ZNF366: variants seen among roughly 807,000 people sequenced by gnomAD.
ZNF366 encodes the protein dendritic cell-specific transcript protein.
Under a neutral mutation model 47.2 loss-of-function variants are expected in ZNF366, and 20 were observed. That is an observed-to-expected ratio of 0.42 (90% CI 0.30 to 0.62). The LOEUF (loss-of-function observed/expected upper bound fraction) is 0.62, where lower values mean the gene tolerates loss of function less well. Ranked by LOEUF, ZNF366 falls within the 20% of genes least tolerant of loss-of-function variation. ZNF366 has a pLI of 0.16. For missense variants in ZNF366, 987 were observed against 976.3 expected, an observed-to-expected ratio of 1.01 and a Z score of -0.15; for synonymous variants, 421 against 395.1, an observed-to-expected ratio of 1.07 and a Z score of -0.78.
chr5:72,463,598 G>C (rs1275779419), intron 1 of ZNF366, among the ~76,000 whole-genome samples: 1 of 152,084 alleles, frequency 6.6e-6, no homozygotes, highest in Admixed American at 6.5e-5. Flanking sequence ...CTGCCTCAGG[G>C]GCCAGGCAAT....
chr5:72,446,046 T>A (rs1742951683), intron 4 of ZNF366, among the ~76,000 whole-genome samples: 1 of 152,194 alleles, frequency 6.6e-6, no homozygotes, highest in African/African-American at 2.4e-5. Context: ...GCTTGTCCAC[T>A]CCACCATCTC....
chr5:72,457,365 A>G (rs1385808687), intron 2 of ZNF366, among the ~76,000 whole-genome samples: 1 of 152,166 alleles, frequency 6.6e-6, no homozygotes, highest in Non-Finnish European at 1.5e-5. Flanking sequence ...ACTAATCCTG[A>G]CTATCCATTG....
chr5:72,441,882 A>T lies in ZNF366; in HGVS notation c.*1874T>A, dbSNP rs77700592. On this transcript the variant is annotated 3_prime_UTR_variant, in exon 5 of 5. Transcript: ENST00000318442. ...GTACCAGAGGGTTATTGCTATGGGC[A>T]GTCACACGTACACGACACCCAGTCA... 6 of 152,394 alleles carry T rather than the reference A, an allele frequency of 3.9e-5. No individual in the cohort carries two copies. The East Asian group carries it at 1.2e-3, about 29-fold the overall frequency. The allele number at this position is 152,394 out of a possible 1,614,324, so 9.4% of individuals were successfully genotyped here.
In ZNF366 at chr5:72,444,103, G is replaced by A; in HGVS notation, c.1888C>T (p.Pro630Ser). Residue 630 changes from proline (P) to serine (S), a missense_variant, in exon 5 of 5, where the codon CCC becomes TCC. By Grantham distance (74) the Pro-to-Ser change is moderately conservative. Around this residue, in one of 3 missense-constraint regions of ZNF366, gnomAD observed 285 missense variants for 234.8 expected, o/e 1.21. Transcript: ENST00000318442. ...EEEDNCYEVE[P>S]YSPGLAPQSQ... Reference sequence around the variant, plus strand: ...TGGGGGGCCAGGCCAGGGCTGTAGGGCTCCACCTCGTAGCAGTTATCCTCC... The same window carrying A: ...TGGGGGGCCAGGCCAGGGCTGTAGGACTCCACCTCGTAGCAGTTATCCTCC... 1.2e-6 allele frequency: 2 copies of A among 1,614,054 alleles called. No homozygotes were observed. Among genetic ancestry groups the A allele is most frequent in the South Asian group, 2.2e-5 (2 of 91,084 alleles).
chr5:72,488,330 T>G (rs1031375693), intron 1 of ZNF366, among the ~76,000 whole-genome samples: 9 of 152,220 alleles, frequency 5.9e-5, no homozygotes, highest in African/African-American at 2.2e-4. Flanking sequence ...GTTATTTTAT[T>G]GCTCCTTTGA....
intron 1 of ZNF366, among the ~76,000 whole-genome samples, chr5:72,492,101 T>C (rs987075586): frequency 2.6e-5 from 4 of 152,216 alleles, no homozygotes; most frequent in Non-Finnish European, 4.4e-5. Context: ...AGGAAGTGTG[T>C]TGGAGACCTG....
At chr5:72,489,151 G>A (rs987672912) in intron 1 of ZNF366, among the ~76,000 whole-genome samples, 2 of 151,994 alleles carry the variant, frequency 1.3e-5, no homozygotes, top group African/African-American at 4.8e-5. Flanking sequence ...CAAGGTGGGT[G>A]GATCACTTGA....
intron 1 of ZNF366, among the ~76,000 whole-genome samples, chr5:72,469,430 G>A (rs2112335474): frequency 6.6e-6 from 1 of 152,286 alleles, no homozygotes; most frequent in East Asian, 1.9e-4. Flanking sequence ...AGGATATTTA[G>A]AAAACATCTA....
At chr5:72,446,044 A>T (rs1254092924) in intron 4 of ZNF366, among the ~76,000 whole-genome samples, 1 of 152,068 alleles carries the variant, frequency 6.6e-6, no homozygotes, top group Non-Finnish European at 1.5e-5. Context: ...ATGCTTGTCC[A>T]CTCCACCATC....
At chr5:72,479,951 G>A (rs907906701) in intron 1 of ZNF366, among the ~76,000 whole-genome samples, 1 of 152,142 alleles carries the variant, frequency 6.6e-6, no homozygotes, top group African/African-American at 2.4e-5. Context: ...AACAAAGGGT[G>A]AAAAAACAGA....
At chr5:72,495,726 G>T (rs1359959496) in intron 1 of ZNF366, among the ~76,000 whole-genome samples, 2 of 152,140 alleles carry the variant, frequency 1.3e-5, no homozygotes, top group African/African-American at 4.8e-5. Flanking sequence ...CTTAAAATCA[G>T]AAGTATCTTT....
intron 1 of ZNF366, among the ~76,000 whole-genome samples, chr5:72,495,845 T>C (rs992446242): frequency 1.3e-5 from 2 of 152,202 alleles, no homozygotes; most frequent in South Asian, 4.2e-4. Context: ...CCCACCCTGG[T>C]ACAAAAAGGA....
chr5:72,493,441 T>G (rs1294569471), intron 1 of ZNF366: 4 of 152,202 alleles, frequency 2.6e-5, no homozygotes, highest in Admixed American at 2.6e-4. Context: ...AGATAGTTGT[T>G]AGATGAAGGA....
intron 3 of ZNF366, among the ~76,000 whole-genome samples, chr5:72,449,233 C>T (rs952028233): frequency 1.5e-4 from 22 of 149,698 alleles, no homozygotes; most frequent in Non-Finnish European, 2.7e-4. Context: ...ACTTCTCCAC[C>T]ATCATGGCTG....
intron 3 of ZNF366, among the ~76,000 whole-genome samples, chr5:72,449,808 G>A (rs977641996): frequency 6.6e-6 from 1 of 152,180 alleles, no homozygotes; most frequent in East Asian, 1.9e-4. Context: ...CATCTGCTGA[G>A]TGAGGAAAGG....
intron 4 of ZNF366, among the ~76,000 whole-genome samples, chr5:72,445,011 A>T (rs7724368): frequency 0.046 from 6,957 of 152,234 alleles, 498 homozygotes; most frequent in African/African-American, 0.15. Context: ...AACAAAGAGA[A>T]CCTATTTGGG....
At position 72,489,224 on chromosome 5, in the gene ZNF366, GA is replaced by G. The variant is rs112819051; in HGVS notation, c.-15+18026del. ...GACCCCATCTCAAAAAAGAAATTAAGAAAAAAAAAAAGAAATAGTCCACAAT... is the reference window on the plus strand; with the variant it reads ...GACCCCATCTCAAAAAAGAAATTAAGAAAAAAAAAAGAAATAGTCCACAAT... On this transcript the variant is annotated intron_variant, in intron 1 of 4. Transcript: ENST00000318442. Among the ~76,000 whole-genome samples, 173 of 140,498 alleles carry G rather than the reference GA, an allele frequency of 1.2e-3. 1 individual carries two copies. The highest frequency in any genetic ancestry group is 0.011 in the South Asian group (47 of 4,460). The allele number at this position is 140,498 out of a possible 152,430, so 92.2% of individuals were successfully genotyped here. A position where few individuals can be genotyped will look rare whatever the true frequency, so the allele number is the denominator to read the frequency against.
At chr5:72,444,506 G>C (rs1180608274) in intron 4 of ZNF366, among the ~76,000 whole-genome samples, 1 of 152,160 alleles carries the variant, frequency 6.6e-6, no homozygotes, top group African/African-American at 2.4e-5. Flanking sequence ...TGCACCAAAA[G>C]CTTTAAAAAT....
At chr5:72,495,803 G>C (rs1744101436) in intron 1 of ZNF366, among the ~76,000 whole-genome samples, 1 of 152,030 alleles carries the variant, frequency 6.6e-6, no homozygotes, top group African/African-American at 2.4e-5. Flanking sequence ...TAAAAGAGCT[G>C]GTATGGCTGA....
Sources: allele counts gnomAD v4.1 joint callset (sites outside exome capture counted in the v4.1 genomes callset), GRCh38; gene constraint gnomAD v4.1.1; regional missense constraint gnomAD v4.1.1; transcripts MANE v1.5; gene names NCBI Gene and HGNC (gene_info 2026-07-23, HGNC 2026-07-21).